ATP8A2: variants seen among roughly 807,000 people sequenced by gnomAD.
ATP8A2 encodes the protein phospholipid-transporting ATPase IB.
ATP8A2 carries 100 observed loss-of-function variants against 165.6 expected under a neutral mutation model. The observed-to-expected ratio is 0.60, with a 90% CI of 0.51 to 0.71. The LOEUF is 0.71. Ranked by LOEUF, ATP8A2 falls within the 30% of genes least tolerant of loss-of-function variation. The probability of loss-of-function intolerance (pLI) is 0.00; values close to 1 mark genes in which losing one functional copy is unlikely to be tolerated. For missense variants in ATP8A2, 1,227 were observed against 1,479.5 expected (o/e 0.83, Z 2.80); for synonymous variants, 543 against 548.8 (o/e 0.99, Z 0.15).
At chr13:25,742,036 C>T (rs559306636) in intron 25 of ATP8A2, among the ~76,000 whole-genome samples, 1 of 152,272 alleles carries the variant, frequency 6.6e-6, no homozygotes, top group South Asian at 2.1e-4. Context: ...TATTCGTCAT[C>T]AGGAAATTTT....
At chr13:26,009,614 C>G (rs1196406308) in intron 35 of ATP8A2, among the ~76,000 whole-genome samples, 1 of 152,134 alleles carries the variant, frequency 6.6e-6, no homozygotes, top group Non-Finnish European at 1.5e-5. Flanking sequence ...GGTCATTGAG[C>G]AGGGACTTCT....
chr13:25,868,070 GC>G (rs1470002384), intron 33 of ATP8A2: 3 of 455,238 alleles, frequency 6.6e-6, no homozygotes, highest in Non-Finnish European at 1.3e-5. Context: ...CTTGTGGGTA[GC>G]CCCGGCCAAG....
chr13:25,930,668 G>GT (rs994154564), intron 33 of ATP8A2, among the ~76,000 whole-genome samples: 48 of 151,306 alleles, frequency 3.2e-4, no homozygotes, highest in South Asian at 8.4e-4. Flanking sequence ...ACCTTATGTG[G>GT]TTTTTTTTTC....
intron 25 of ATP8A2, among the ~76,000 whole-genome samples, chr13:25,727,475 C>T (rs1324225362): frequency 6.6e-6 from 1 of 152,128 alleles, no homozygotes; most frequent in Non-Finnish European, 1.5e-5. Flanking sequence ...TATCTCAGGC[C>T]TTTGGACAAC....
At position 25,953,251 on chromosome 13, in the gene ATP8A2, G is replaced by A. The variant is rs1364053628; in HGVS notation, c.3184-8324G>A. ...TTGAAGTTGGCACTGGTGTTGCTGG[G>A]CCAACCAGCATCTTGAGGACTCAAC... On this transcript the variant is annotated intron_variant, in intron 33 of 36. Coordinates refer to ENST00000381655, the MANE Select transcript of ATP8A2 (RefSeq NM_016529.6). This position sits in a 1 kb window ranked among gnomAD's most constrained non-coding sequence, Gnocchi z 6.7. Among the ~76,000 whole-genome samples the A allele has an allele frequency of 6.6e-6, 1 of 151,990 alleles. No individual in the cohort carries two copies. Among genetic ancestry groups the A allele is most frequent in the Non-Finnish European group, 1.5e-5 (1 of 68,020 alleles).
At chr13:25,431,401 A>T (rs2034607450) in intron 1 of ATP8A2, among the ~76,000 whole-genome samples, 2 of 151,958 alleles carry the variant, frequency 1.3e-5, no homozygotes, top group South Asian at 4.2e-4. Context: ...AGCTCGCCTC[A>T]GCCTCCCAAA....
intron 2 of ATP8A2, among the ~76,000 whole-genome samples, chr13:25,516,174 C>T (rs780758255): frequency 5.9e-5 from 9 of 152,166 alleles, no homozygotes; most frequent in Non-Finnish European, 8.8e-5. Context: ...TTGACCACTT[C>T]GGTTTAGCTT....
chr13:25,496,475 AAAAT>A (rs1398518351), intron 2 of ATP8A2, among the ~76,000 whole-genome samples: 2 of 152,228 alleles, frequency 1.3e-5, no homozygotes, highest in Non-Finnish European at 2.9e-5. Flanking sequence ...AAATCTGAAA[AAAAT>A]AAATAGTGAC....
chr13:25,641,735 C>A (rs868369125), intron 24 of ATP8A2, among the ~76,000 whole-genome samples: 2 of 151,806 alleles, frequency 1.3e-5, no homozygotes, highest in Non-Finnish European at 2.9e-5. Context: ...ACTTTCTTCA[C>A]AGAATTGGAA....
At chr13:25,886,603 G>A (rs776730410) in intron 33 of ATP8A2, among the ~76,000 whole-genome samples, 8 of 152,198 alleles carry the variant, frequency 5.3e-5, no homozygotes, top group Non-Finnish European at 1.2e-4. Flanking sequence ...CCGACAGCAC[G>A]AGGGGAAGCC....
At chr13:25,513,081 C>T (rs568081904) in intron 2 of ATP8A2, among the ~76,000 whole-genome samples, 1,549 of 150,270 alleles carry the variant, frequency 0.01, 18 homozygotes, top group Admixed American at 0.025. Context: ...CCCTCCCGGA[C>T]GGGGTGGCTG....
Position 25,544,907 on chromosome 13 carries a change from TGAG to T in ATP8A2, c.891+1506_891+1508del, listed in dbSNP as rs1182081842. On this transcript the variant is annotated intron_variant, in intron 10 of 36. Coordinates refer to ENST00000381655, the MANE Select transcript of ATP8A2 (RefSeq NM_016529.6). Reference sequence around the variant, plus strand: ...AGCCAAATGGCGTGAATTTTATGAGTGAGTTTTTTTTTTTTTTTTTTTAACATG... The same window carrying T: ...AGCCAAATGGCGTGAATTTTATGAGTTTTTTTTTTTTTTTTTTTTAACATG... 7.2e-3 allele frequency among the ~76,000 whole-genome samples: 868 copies of T among 120,814 alleles called. 12 individuals are homozygous for T. The highest frequency in any genetic ancestry group is 1.0e-2 in the Admixed American group (118 of 11,840). 79.3% of individuals were successfully genotyped at this position (120,814 alleles called of 152,430 possible).
chr13:25,869,977 C>T (rs1952629988), intron 33 of ATP8A2, among the ~76,000 whole-genome samples: 1 of 152,270 alleles, frequency 6.6e-6, no homozygotes, highest in African/African-American at 2.4e-5. Context: ...CCTTGGTTTA[C>T]CGGAAGAATC....
At chr13:25,813,232 A>AT (rs1443693994) in intron 27 of ATP8A2, among the ~76,000 whole-genome samples, 2 of 152,220 alleles carry the variant, frequency 1.3e-5, no homozygotes, top group African/African-American at 4.8e-5. Context: ...TAAAAAAAAA[A>AT]GAAAGTTGCC....
At chr13:25,903,973 A>G (rs1953849294) in intron 33 of ATP8A2, among the ~76,000 whole-genome samples, 1 of 152,090 alleles carries the variant, frequency 6.6e-6, no homozygotes, top group African/African-American at 2.4e-5. Flanking sequence ...GGAGCATTTA[A>G]AAAAAAACTG....
At position 25,570,844 on chromosome 13, in the gene ATP8A2, T is replaced by G. The variant is rs1467169528; in HGVS notation, c.1551T>G (p.Asp517Glu). 4 of 1,613,664 alleles carry G rather than the reference T, an allele frequency of 2.5e-6. No individual in the cohort carries two copies. In the South Asian group the frequency reaches 4.4e-5, roughly 18 times the overall value. ...CHTVVPEKDG[D>E]NIIYQASSPD... is the part of the protein sequence containing the mutation. ...CGGTTGTTCCTGAGAAGGATGGAGA[T>G]AACATCATCTACCAGGCCTCTTCCC... Residue 517 changes from aspartate to glutamate, a missense_variant, in exon 17 of 37, where the codon GAT becomes GAG. Asp to Glu is a conservative substitution (Grantham distance 45). Transcript: ENST00000381655.
intron 35 of ATP8A2, 22 bp downstream of exon 35, chr13:25,968,701 C>T (rs781415475): frequency 1.2e-5 from 19 of 1,579,632 alleles, no homozygotes; most frequent in South Asian, 4.5e-5. Context: ...CGTCCCAGTC[C>T]GCACAGAACA....
In ATP8A2 at chr13:25,903,645, C is replaced by T. The variant is rs117284141; in HGVS notation, c.3183+41237C>T. 8.3e-4 allele frequency among the ~76,000 whole-genome samples: 126 copies of T among 152,286 alleles called. No homozygotes were observed. In the South Asian group the frequency reaches 0.015, roughly 19 times the overall value. ...CTGCCACGGTGGTCTCGTTATTCAA[C>T]GTCCCTGGGTAGATTTTGTCTTTAG... On this transcript the variant is annotated intron_variant, in intron 33 of 36. Coordinates refer to ENST00000381655, the MANE Select transcript of ATP8A2 (RefSeq NM_016529.6).
chr13:25,968,525 T>A, intron 34 of ATP8A2, 50 bp from the exon 35 acceptor site: 1 of 1,525,790 alleles, frequency 6.6e-7, no homozygotes, highest in Non-Finnish European at 9.0e-7. Context: ...CTTTCCCAGC[T>A]GTGTCAAGTC....
Sources: gnomAD v4.1 joint callset for allele counts (sites outside exome capture counted in the v4.1 genomes callset) on GRCh38, gnomAD v4.1.1 for gene constraint, Gnocchi (gnomAD v3.1) non-coding constraint, MANE v1.5 for transcripts, NCBI Gene and HGNC (gene_info 2026-07-23, HGNC 2026-07-21) for gene names.